The following SGCZ variants were observed in gnomAD, a reference collection of about 807,000 sequenced individuals.
The protein encoded by SGCZ is zeta-sarcoglycan.
In SGCZ, 40 loss-of-function variants were observed where a neutral mutation model predicts 41.3. That is an observed-to-expected ratio of 0.97 (90% CI 0.75 to 1.26). The LOEUF is 1.26. SGCZ is among the 50% of genes most tolerant of loss of function. The pLI is 0.00. For missense variants in SGCZ, 552 were observed against 369.8 expected (o/e 1.49, Z -4.04); for synonymous variants, 206 against 137.5 (o/e 1.50, Z -3.49).
intron 1 of SGCZ, among the ~76,000 whole-genome samples, chr8:15,021,997 C>T (rs1339883154): frequency 6.6e-6 from 1 of 152,198 alleles, no homozygotes; most frequent in Non-Finnish European, 1.5e-5. Context: ...TAACCTTGTG[C>T]ATAAATTACC....
At chr8:15,118,402 G>A (rs1389988968) in intron 1 of SGCZ, among the ~76,000 whole-genome samples, 1 of 152,068 alleles carries the variant, frequency 6.6e-6, no homozygotes. Flanking sequence ...TAAAAGAAGG[G>A]GGAGGCTTGA....
chr8:14,459,913 A>G lies in SGCZ; in HGVS notation c.234+94819T>C, dbSNP rs147840455. Among the ~76,000 whole-genome samples, 19 of 152,282 alleles carry G rather than the reference A, an allele frequency of 1.2e-4. 1 individual carries two copies. Among genetic ancestry groups the G allele is most frequent in the African/African-American group, 4.6e-4 (19 of 41,566 alleles). On this transcript the variant is annotated intron_variant, in intron 2 of 7. Coordinates refer to ENST00000382080, the MANE Select transcript of SGCZ (RefSeq NM_139167.4). ...GTATTCCTAAAATGAGTCAAGCCAT[A>G]AAAAGACAAGAAAAAACTGGAGATT... is the stretch of plus-strand genomic sequence containing the variant.
chr8:14,461,561 G>T (rs1389396476), intron 2 of SGCZ, among the ~76,000 whole-genome samples: 2 of 152,016 alleles, frequency 1.3e-5, no homozygotes, highest in African/African-American at 4.8e-5. Flanking sequence ...AGCTTGACAT[G>T]CACTGACCTA....
At chr8:14,531,275 C>A (rs1237124980) in intron 2 of SGCZ, among the ~76,000 whole-genome samples, 1 of 47,284 alleles carries the variant, frequency 2.1e-5, no homozygotes, top group African/African-American at 6.6e-5. Context: ...TGGCAATCCA[C>A]TTTCGGGTCC....
chr8:14,390,752 T>C lies in SGCZ; in HGVS notation c.235-66548A>G, dbSNP rs376453821. 8.7e-4 allele frequency among the ~76,000 whole-genome samples: 133 copies of C among 152,136 alleles called. 2 individuals are homozygous for C. Among genetic ancestry groups the C allele is most frequent in the Admixed American group, 9.2e-4 (14 of 15,246 alleles). ...AATAATATTCTAAGTATGCATAATT[T>C]TTCACAATTTCATTGGCAGTATATT... On this transcript the variant is annotated intron_variant, in intron 2 of 7. Transcript: ENST00000382080.
chr8:14,704,883 C>T (rs1430379715), intron 1 of SGCZ, among the ~76,000 whole-genome samples: 1 of 151,938 alleles, frequency 6.6e-6, no homozygotes, highest in African/African-American at 2.4e-5. Flanking sequence ...GCCAAACTCG[C>T]TTCATTCAAA....
In SGCZ at chr8:14,145,399, A is replaced by G. The variant is rs115320457; in HGVS notation, c.547+19181T>C. On this transcript the variant is annotated intron_variant, in intron 5 of 7. Transcript: ENST00000382080. ...ATTTACTGGGCTTGGGATACACCCT[A>G]TAGCAGATACAGGTTAGATCACAAC... Among the ~76,000 whole-genome samples the G allele has an allele frequency of 4.0e-3, 616 of 152,298 alleles. 5 individuals carry two copies. The highest frequency in any genetic ancestry group is 0.024 in the Middle Eastern group (7 of 294).
In SGCZ at chr8:14,807,544, A is replaced by G. The variant is rs369835406; in HGVS notation, c.40-252618T>C. On this transcript the variant is annotated intron_variant, in intron 1 of 7. Coordinates refer to ENST00000382080, the MANE Select transcript of SGCZ (RefSeq NM_139167.4). ...ACAAGGGATGTGAAGGACCTCTTCA[A>G]GGAGAACTACAAACCACTGCTCAAG... Among the ~76,000 whole-genome samples the G allele has an allele frequency of 4.1e-4, 63 of 152,020 alleles. 1 individual carries two copies. In the East Asian group the frequency reaches 7.6e-3, roughly 18 times the overall value.
chr8:15,165,538 AC>A (rs1234411433), intron 1 of SGCZ, among the ~76,000 whole-genome samples: 1 of 152,048 alleles, frequency 6.6e-6, no homozygotes, highest in African/African-American at 2.4e-5. Context: ...GGAACTAACT[AC>A]CCCGCAACTA....
At chr8:14,194,850 G>T (rs1007286203) in intron 4 of SGCZ, among the ~76,000 whole-genome samples, 1 of 151,792 alleles carries the variant, frequency 6.6e-6, no homozygotes, top group Non-Finnish European at 1.5e-5. Context: ...AGGCCATGGG[G>T]CACTGGTATT....
intron 1 of SGCZ, among the ~76,000 whole-genome samples, chr8:14,624,284 C>T (rs1357283837): frequency 6.6e-6 from 1 of 152,070 alleles, no homozygotes; most frequent in Non-Finnish European, 1.5e-5. Context: ...CCCCCAATAA[C>T]AATGTTTATA....
chr8:15,172,160 T>TTTTTATTTATTTA (rs754523188), intron 1 of SGCZ, among the ~76,000 whole-genome samples: 24,696 of 104,476 alleles, frequency 0.24, 3,503 homozygotes, highest in Non-Finnish European at 0.34. Context: ...CTCTGTTTTT[T>TTTTTATTTATTTA]TTTTTTTTTT....
rs367660217 is a variant in SGCZ, at chr8:15,124,950, GA to G, written c.39+112634del. Among the ~76,000 whole-genome samples, 361 of 151,528 alleles carry G rather than the reference GA, an allele frequency of 2.4e-3. 1 individual carries two copies. Among genetic ancestry groups the G allele is most frequent in the South Asian group, 0.017 (80 of 4,804 alleles). Reference sequence around the variant, plus strand: ...ATAATACATTATGGCTATGAATTATGAAAAAAAACAATATGGGTATAAAAGT... The same window carrying G: ...ATAATACATTATGGCTATGAATTATGAAAAAAACAATATGGGTATAAAAGT... On this transcript the variant is annotated intron_variant, in intron 1 of 7. Transcript: ENST00000382080.
intron 1 of SGCZ, among the ~76,000 whole-genome samples, chr8:14,882,053 T>C (rs1215363792): frequency 6.6e-6 from 1 of 152,182 alleles, no homozygotes; most frequent in Non-Finnish European, 1.5e-5. Flanking sequence ...CATACCTGAA[T>C]TTCTGGGACG....
chr8:14,658,186 C>G (rs180852808), intron 1 of SGCZ, among the ~76,000 whole-genome samples: 2 of 152,250 alleles, frequency 1.3e-5, no homozygotes, highest in African/African-American at 4.8e-5. Context: ...AAGCCCAAAC[C>G]CTGGAGTCAT....
intron 2 of SGCZ, among the ~76,000 whole-genome samples, chr8:14,362,772 G>C (rs919797021): frequency 3.3e-5 from 5 of 152,130 alleles, no homozygotes; most frequent in Non-Finnish European, 5.9e-5. Context: ...CCCATCTTCT[G>C]TGTCTATCTC....
At chr8:15,232,778 CAT>C (rs1432549187) in intron 1 of SGCZ, among the ~76,000 whole-genome samples, 5 of 111,524 alleles carry the variant, frequency 4.5e-5, no homozygotes, top group Admixed American at 1.0e-4. Context: ...TATATATATA[CAT>C]ATATATGTGT....
At chr8:14,122,643 T>G (rs182920204) in intron 5 of SGCZ, among the ~76,000 whole-genome samples, 1 of 152,212 alleles carries the variant, frequency 6.6e-6, no homozygotes, top group Admixed American at 6.5e-5. Flanking sequence ...CCATAAGATA[T>G]GCATAAATGT....
At chr8:14,627,088 A>T (rs949544151) in intron 1 of SGCZ, among the ~76,000 whole-genome samples, 1 of 152,192 alleles carries the variant, frequency 6.6e-6, no homozygotes, top group African/African-American at 2.4e-5. Flanking sequence ...TTGTAATGCC[A>T]TTTAGAAAAT....
Sources: allele counts gnomAD v4.1 joint callset (sites outside exome capture counted in the v4.1 genomes callset), GRCh38; gene constraint gnomAD v4.1.1; transcripts MANE v1.5; gene names NCBI Gene and HGNC (gene_info 2026-07-23, HGNC 2026-07-21).